KANSL1: variants seen among roughly 807,000 people sequenced by gnomAD.
KANSL1 encodes the protein MLL1/MLL complex subunit KANSL1.
KANSL1 carries 22 observed loss-of-function variants against 103.6 expected under a neutral mutation model. That is an observed-to-expected ratio of 0.21 (90% confidence interval 0.15 to 0.30). The LOEUF (loss-of-function observed/expected upper bound fraction) is 0.30, where lower values mean the gene tolerates loss of function less well. Ranked by LOEUF, KANSL1 falls within the 10% of genes least tolerant of loss-of-function variation. The pLI is 1.00. For missense variants in KANSL1, 1,337 were observed against 1,399.8 expected, an observed-to-expected ratio of 0.96 and a Z score of 0.72; for synonymous variants, 600 against 527.6, an observed-to-expected ratio of 1.14 and a Z score of -1.88.
At chr17:46,120,027 A>AAC in intron 2 of KANSL1, 1 of 152,174 alleles carries the variant, frequency 6.6e-6, no homozygotes, top group South Asian at 2.1e-4. Context: ...AAAACACACC[A>AAC]ACACACATGC....
At chr17:46,056,602 T>A (rs187227098) in intron 6 of KANSL1, among the ~76,000 whole-genome samples, 1 of 112,950 alleles carries the variant, frequency 8.9e-6, no homozygotes, top group African/African-American at 2.6e-5. Flanking sequence ...ACATTTACCA[T>A]CAAACTTGAT....
chr17:46,032,907 A>G (rs2077049055), intron 13 of KANSL1, 173 bp downstream of exon 13: 1 of 595,852 alleles, frequency 1.7e-6, no homozygotes, highest in African/African-American at 1.9e-5. Context: ...AGTTCCATGT[A>G]TCTCCACTAG....
intron 1 of KANSL1, among the ~76,000 whole-genome samples, chr17:46,210,502 A>ATATGTGAATATAATTTAT (rs1567806919): frequency 1.3e-4 from 20 of 151,060 alleles, no homozygotes; most frequent in Middle Eastern, 3.5e-3. Flanking sequence ...AAAAAAAAAA[A>ATATGTGAATATAATTTAT]GACCTGAGTG....
intron 2 of KANSL1, among the ~76,000 whole-genome samples, chr17:46,166,182 C>T (rs1205996851): frequency 7.0e-6 from 1 of 142,602 alleles, no homozygotes; most frequent in Non-Finnish European, 1.5e-5. Flanking sequence ...CACTGTAACT[C>T]TAGCCTGGGC....
At chr17:46,194,584 G>A (rs1288997474), upstream of KANSL1, among the ~76,000 whole-genome samples, 1 of 152,234 alleles carries the variant, frequency 6.6e-6, no homozygotes, top group Non-Finnish European at 1.5e-5. Flanking sequence ...GCCAAAAGAT[G>A]AGTGGAGTAT....
At chr17:46,182,403 T>C (rs1597903993) in intron 1 of KANSL1, among the ~76,000 whole-genome samples, 1 of 152,364 alleles carries the variant, frequency 6.6e-6, no homozygotes, top group East Asian at 1.9e-4. Context: ...TGGAATGCAC[T>C]GCAAAGTATT....
intron 1 of KANSL1, among the ~76,000 whole-genome samples, chr17:46,172,579 T>C (rs1032769959): frequency 3.7e-4 from 56 of 152,104 alleles, no homozygotes; most frequent in Admixed American, 9.8e-4. Flanking sequence ...TTGAAATAAA[T>C]GGATTTAAAG....
chr17:46,073,630 A>T (rs986311662), intron 4 of KANSL1, among the ~76,000 whole-genome samples: 4 of 152,148 alleles, frequency 2.6e-5, no homozygotes, highest in African/African-American at 4.8e-5. Context: ...CAAAAATAAA[A>T]ATTAACAATG....
In KANSL1 at chr17:46,050,573, C is replaced by G; in HGVS notation, c.1980G>C (p.Gln660His). Residue 660 changes from glutamine to histidine, a missense_variant, in exon 7 of 15, where the codon CAG becomes CAC. Gln to His is a conservative substitution (Grantham distance 24). Transcript: ENST00000432791. ...GAACAGGATGAACACAAGAGTCCAA[C>G]TGGGAAAGACGTTCCAACAGAGGGG... Reference protein sequence around the residue: ...YEAPLLERLSQLDSCVHPVLA... With the variant: ...YEAPLLERLSHLDSCVHPVLA... 6.2e-7 allele frequency: 1 copy of G among 1,614,206 alleles called. No homozygotes were observed. The highest frequency in any genetic ancestry group is 8.5e-7 in the Non-Finnish European group (1 of 1,180,030).
intron 2 of KANSL1, among the ~76,000 whole-genome samples, chr17:46,107,203 A>G (rs1442530480): frequency 6.6e-6 from 1 of 152,246 alleles, no homozygotes; most frequent in Non-Finnish European, 1.5e-5. Context: ...CAGCAACAGC[A>G]AGGGGGATGG....
intron 4 of KANSL1, 80 bp downstream of exon 4, chr17:46,082,361 T>C: frequency 1.2e-6 from 1 of 837,710 alleles, no homozygotes; most frequent in Non-Finnish European, 2.0e-6. Flanking sequence ...GCAAGGATCC[T>C]AGTTACAGAG....
chr17:46,077,631 C>G (rs1318026868), intron 4 of KANSL1, among the ~76,000 whole-genome samples: 3 of 152,146 alleles, frequency 2.0e-5, no homozygotes, highest in African/African-American at 7.2e-5. Flanking sequence ...GATCTCGGCT[C>G]ACTGCAACCT....
intron 2 of KANSL1, among the ~76,000 whole-genome samples, chr17:46,149,151 C>T (rs1429073545): frequency 6.6e-6 from 1 of 152,132 alleles, no homozygotes; most frequent in African/African-American, 2.4e-5. Flanking sequence ...TACAGGCGCC[C>T]ACCACTGCGC....
At chr17:46,046,216 G>C (rs1473182894) in intron 7 of KANSL1, 1 of 152,154 alleles carries the variant, frequency 6.6e-6, no homozygotes, top group Non-Finnish European at 1.5e-5. Flanking sequence ...TGTTCCTTGA[G>C]CACTAACACT....
Position 46,069,889 on chromosome 17 carries a change from C to T in KANSL1, c.1534-2222G>A, listed in dbSNP as rs187491494. 2.7e-4 allele frequency among the ~76,000 whole-genome samples: 41 copies of T among 151,952 alleles called. No individual in the cohort carries two copies. In the East Asian group the frequency reaches 3.1e-3, roughly 11 times the overall value. ...ATAAGTATGCTACAATGAGTGAACA[C>T]CGAGAAAAGGCTGTCTTTTTTGTTG... On this transcript the variant is annotated intron_variant, in intron 4 of 14. Coordinates refer to ENST00000432791, the MANE Select transcript of KANSL1 (RefSeq NM_015443.4).
At chr17:46,042,959 C>T (rs1483830795) in intron 7 of KANSL1, 1 of 152,196 alleles carries the variant, frequency 6.6e-6, no homozygotes, top group African/African-American at 2.4e-5. Flanking sequence ...AACACAGTCT[C>T]TGAGGACAGT....
At chr17:46,201,038 A>C (rs1161147000) in intron 1 of KANSL1, among the ~76,000 whole-genome samples, 1 of 152,102 alleles carries the variant, frequency 6.6e-6, no homozygotes, top group African/African-American at 2.4e-5. Context: ...CAGCTGCCCA[A>C]GTAGGTGGGA....
intron 2 of KANSL1, among the ~76,000 whole-genome samples, chr17:46,107,512 C>T (rs1011204590): frequency 6.6e-6 from 1 of 152,214 alleles, no homozygotes; most frequent in African/African-American, 2.4e-5. Flanking sequence ...GACATACTAA[C>T]CTGGCTTTTC....
rs2078382445 is a variant in KANSL1 at position 46,066,532 on chromosome 17, C to T, written c.1848+5G>A. ...TGACAATGACCAACTCTCATCTGTA[C>T]CGACCTTCTTGGAAAGAGGAACGAT... On this transcript the variant is annotated splice_donor_5th_base_variant and intron_variant, in intron 6 of 14. Transcript: ENST00000432791. The T allele has an allele frequency of 6.2e-7, 1 of 1,608,672 alleles. No homozygotes were observed. Among genetic ancestry groups the T allele is most frequent in the African/African-American group, 1.3e-5 (1 of 74,834 alleles).
Sources: allele counts gnomAD v4.1 joint callset (sites outside exome capture counted in the v4.1 genomes callset), GRCh38; gene constraint gnomAD v4.1.1; transcripts MANE v1.5; gene names NCBI Gene and HGNC (gene_info 2026-07-23, HGNC 2026-07-21).